ANXA7: variants seen among roughly 807,000 people sequenced by gnomAD.
ANXA7 encodes annexin VII.
In ANXA7, 55 loss-of-function variants were observed where a neutral mutation model predicts 64.9. The observed-to-expected ratio is 0.85, with a 90% CI of 0.68 to 1.06. The LOEUF (loss-of-function observed/expected upper bound fraction) is 1.06. ANXA7 is among the 50% of genes least tolerant of loss of function. The pLI is 0.00. For missense variants in ANXA7, 548 were observed against 582.1 expected, an observed-to-expected ratio of 0.94 and a Z score of 0.60; for synonymous variants, 200 against 192.4, an observed-to-expected ratio of 1.04 and a Z score of -0.33.
At chr10:73,409,829 G>A (rs533915775) in intron 1 of ANXA7, among the ~76,000 whole-genome samples, 5 of 152,198 alleles carry the variant, frequency 3.3e-5, no homozygotes, top group African/African-American at 1.2e-4. Flanking sequence ...ATAGACCAAT[G>A]GAACAAAATA....
At chr10:73,389,120 TGTCTC>T (rs1172416254) in intron 5 of ANXA7, among the ~76,000 whole-genome samples, 1 of 152,246 alleles carries the variant, frequency 6.6e-6, no homozygotes, top group African/African-American at 2.4e-5. Context: ...CAATAATAAG[TGTCTC>T]CTGATATGAT....
rs369829115 is a variant in ANXA7 at position 73,379,043 on chromosome 10, G to T, written c.1166-20C>A. On this transcript the variant is annotated intron_variant, in intron 11 of 12. Transcript: ENST00000372921. ...ACTGCACTGCAAGTTAGAGATGGTT[G>T]AGACATGGAATCATGATCTCACAAG... 40 of 1,545,136 alleles carry T rather than the reference G, an allele frequency of 2.6e-5. No individual in the cohort carries two copies. Among genetic ancestry groups the T allele is most frequent in the Non-Finnish European group, 3.6e-5 (40 of 1,126,750 alleles).
intron 1 of ANXA7, among the ~76,000 whole-genome samples, chr10:73,406,175 C>T (rs1456407940): frequency 1.3e-5 from 2 of 152,040 alleles, no homozygotes; most frequent in Non-Finnish European, 2.9e-5. Context: ...AGGCTGGTCT[C>T]GAACTCCTGA....
chr10:73,379,802 A>C (rs1046403410), intron 11 of ANXA7, 77 bp downstream of exon 11: 5 of 1,379,384 alleles, frequency 3.6e-6, no homozygotes, highest in Non-Finnish European at 5.1e-6. Flanking sequence ...CTATATTATC[A>C]ACATTTAATG....
At chr10:73,395,259 G>T (rs2055551465) in intron 5 of ANXA7, among the ~76,000 whole-genome samples, 1 of 152,130 alleles carries the variant, frequency 6.6e-6, no homozygotes, top group South Asian at 2.1e-4. Context: ...AATCAGGAAA[G>T]TGAGCTAAAA....
intron 1 of ANXA7, among the ~76,000 whole-genome samples, chr10:73,409,778 T>C (rs896461765): frequency 2.0e-5 from 3 of 152,166 alleles, no homozygotes; most frequent in Admixed American, 6.6e-5. Flanking sequence ...TACAAGCCTA[T>C]AGCTACCACA....
chr10:73,403,013 T>C (rs1303715022), intron 1 of ANXA7, among the ~76,000 whole-genome samples: 3 of 152,108 alleles, frequency 2.0e-5, no homozygotes, highest in Non-Finnish European at 2.9e-5. Context: ...TTAGTAGAGA[T>C]GGGGTTTCAC....
intron 2 of ANXA7, 95 bp downstream of exon 2, chr10:73,400,708 T>C: frequency 1.0e-6 from 1 of 965,148 alleles, no homozygotes; most frequent in Non-Finnish European, 1.5e-6. Flanking sequence ...TCTGAATTTA[T>C]GACCCCTGCT....
At chr10:73,384,470 C>T (rs562009713) in intron 7 of ANXA7, among the ~76,000 whole-genome samples, 8 of 151,086 alleles carry the variant, frequency 5.3e-5, no homozygotes, top group African/African-American at 1.9e-4. Flanking sequence ...GGTGTGATCT[C>T]GGCTAACTGC....
At position 73,400,813 on chromosome 10, in the gene ANXA7, G is replaced by A; in HGVS notation, c.44C>T (p.Pro15Leu). 1.2e-6 allele frequency: 2 copies of A among 1,605,870 alleles called. No homozygotes were observed. The highest frequency in any genetic ancestry group is 1.7e-6 in the Non-Finnish European group (2 of 1,175,466). The change falls in exon 2 of 13, where the codon CCT becomes CTT. Residue 15 changes from proline to leucine, a missense_variant. Coordinates refer to ENST00000372921, the MANE Select transcript of ANXA7 (RefSeq NM_001156.5). ...GYPPTGYPPFPGYPPAGQESS... is the reference protein window; with the variant it reads ...GYPPTGYPPFLGYPPAGQESS... Reference sequence around the variant, plus strand: ...AGTGGCAATACTTACAGGATATCCAGGGAAAGGTGGGTAGCCTGTTGGGGG... The same window carrying A: ...AGTGGCAATACTTACAGGATATCCAAGGAAAGGTGGGTAGCCTGTTGGGGG...
At chr10:73,393,374 G>C (rs2055517071) in intron 5 of ANXA7, among the ~76,000 whole-genome samples, 1 of 151,990 alleles carries the variant, frequency 6.6e-6, no homozygotes. Context: ...AGTTCATATG[G>C]AACCAAAAAA....
chr10:73,403,563 T>C (rs962081962), intron 1 of ANXA7, among the ~76,000 whole-genome samples: 6 of 152,240 alleles, frequency 3.9e-5, no homozygotes, highest in African/African-American at 1.4e-4. Context: ...GCTTATTCAA[T>C]GGCAGACATC....
Position 73,379,970 on chromosome 10 carries a change from A to G in ANXA7, c.1090-16T>C. 1 of 1,613,496 alleles carries G rather than the reference A, an allele frequency of 6.2e-7. No homozygotes were observed. The highest frequency in any genetic ancestry group is 8.5e-7 in the Non-Finnish European group (1 of 1,179,862). ...GATTAGCCATCTGCAAACAAAATTA[A>G]AGGGTTAAATATTTTTGTATCTTAC... On this transcript the variant is annotated splice_polypyrimidine_tract_variant and intron_variant, in intron 10 of 12. Transcript: ENST00000372921.
At chr10:73,406,159 T>C (rs1237965867) in intron 1 of ANXA7, among the ~76,000 whole-genome samples, 2 of 152,186 alleles carry the variant, frequency 1.3e-5, no homozygotes, top group African/African-American at 2.4e-5. Flanking sequence ...TTTCGTCATG[T>C]TGGCCAGGCT....
rs2055311757 is a variant in ANXA7, at chr10:73,383,636, G to C, written c.688C>G (p.Leu230Val). The C allele has an allele frequency of 6.2e-7, 1 of 1,613,764 alleles. No individual in the cohort carries two copies. Among genetic ancestry groups the C allele is most frequent in the Admixed American group, 1.7e-5 (1 of 59,980 alleles). ...TACGTAGGAGGCATGAAGAGGGCCA[G>C]GATCAGTTCTTCCATATTTCCACTT... ...ELSGNMEELI[L>V]ALFMPPTYYD... Residue 230 changes from leucine to valine, a missense_variant, in exon 8 of 13, where the codon CTG becomes GTG. Transcript: ENST00000372921.
chr10:73,378,061 C>A (rs1359635784), intron 12 of ANXA7, among the ~76,000 whole-genome samples: 1 of 151,692 alleles, frequency 6.6e-6, no homozygotes, highest in Admixed American at 6.6e-5. Context: ...AGCCACGACA[C>A]CCCGCCATGT....
At position 73,400,265 on chromosome 10, in the gene ANXA7, G is replaced by A. The variant is rs1383221860; in HGVS notation, c.54+538C>T. The stretch of plus-strand genomic sequence containing the variant: ...GAACTTAGTAGCACATTTATAAAAC[G>A]TACTCCAAGTCTAAGAACTACAAAT... On this transcript the variant is annotated intron_variant, in intron 2 of 12. Coordinates refer to ENST00000372921, the MANE Select transcript of ANXA7 (RefSeq NM_001156.5). Among the ~76,000 whole-genome samples, 4 of 151,900 alleles carry A rather than the reference G, an allele frequency of 2.6e-5. No individual in the cohort carries two copies. In the South Asian group the frequency reaches 6.2e-4, roughly 24 times the overall value.
intron 5 of ANXA7, among the ~76,000 whole-genome samples, chr10:73,392,660 G>C (rs1177333350): frequency 6.6e-6 from 1 of 152,138 alleles, no homozygotes. Context: ...AGCACTTCAT[G>C]CTGAAAACCC....
intron 7 of ANXA7, among the ~76,000 whole-genome samples, chr10:73,385,773 T>C (rs1009302115): frequency 6.6e-6 from 1 of 152,096 alleles, no homozygotes; most frequent in Non-Finnish European, 1.5e-5. Context: ...CTAGGGTTTG[T>C]GTTGCATAAT....
Sources: gnomAD v4.1 joint callset for allele counts (sites outside exome capture counted in the v4.1 genomes callset) on GRCh38, gnomAD v4.1.1 for gene constraint, MANE v1.5 for transcripts, NCBI Gene and HGNC (gene_info 2026-07-23, HGNC 2026-07-21) for gene names.